Variants in STK3 observed in about 807,000 individuals in gnomAD.
The protein encoded by STK3 is serine/threonine-protein kinase 3.
STK3 carries 41 observed loss-of-function variants against 58.0 expected under a neutral mutation model. That is an observed-to-expected ratio of 0.71 (90% CI 0.55 to 0.92). The LOEUF is 0.92. Among genes scored for constraint, STK3 ranks in the 40% least tolerant of loss-of-function variants. The pLI, the probability that STK3 is intolerant of heterozygous loss-of-function variation, is 0.00. For missense variants in STK3, 479 were observed against 602.7 expected (o/e 0.79, Z 2.15); for synonymous variants, 170 against 191.0 (o/e 0.89, Z 0.91).
At chr8:98,706,126 A>T (rs1472608494) in intron 6 of STK3, among the ~76,000 whole-genome samples, 1 of 152,058 alleles carries the variant, frequency 6.6e-6, no homozygotes, top group Non-Finnish European at 1.5e-5. Flanking sequence ...ATTACTTCCA[A>T]CTCTTTCACT....
intron 10 of STK3, among the ~76,000 whole-genome samples, chr8:98,482,844 T>A (rs1015129512): frequency 1.3e-5 from 2 of 152,138 alleles, no homozygotes; most frequent in Non-Finnish European, 2.9e-5. Flanking sequence ...CAAATAGGTA[T>A]TTCTCGATTC....
At chr8:98,714,136 A>G (rs1826788502) in intron 4 of STK3, among the ~76,000 whole-genome samples, 1 of 152,232 alleles carries the variant, frequency 6.6e-6, no homozygotes, top group African/African-American at 2.4e-5. Flanking sequence ...ATCTCAAAAT[A>G]ATAGGAGCTA....
intron 10 of STK3, among the ~76,000 whole-genome samples, chr8:98,513,526 T>C (rs1383641526): frequency 1.3e-5 from 2 of 152,188 alleles, no homozygotes; most frequent in Admixed American, 6.6e-5. Context: ...GAAGTGTTCA[T>C]AGATGACCTG....
At chr8:98,774,983 T>A (rs1453335242) in intron 1 of STK3, among the ~76,000 whole-genome samples, 164 bp from the exon 2 acceptor site, 1 of 152,162 alleles carries the variant, frequency 6.6e-6, no homozygotes, top group Non-Finnish European at 1.5e-5. Flanking sequence ...TCAAGCCCTG[T>A]TCCTCATGTG....
intron 7 of STK3, among the ~76,000 whole-genome samples, chr8:98,584,101 T>C (rs2131752626): frequency 6.6e-6 from 1 of 152,238 alleles, no homozygotes; most frequent in African/African-American, 2.4e-5. Flanking sequence ...AAGTTTTTTT[T>C]TCTTTTATTA....
At chr8:98,650,793 G>C (rs1039768812) in intron 6 of STK3, among the ~76,000 whole-genome samples, 2 of 152,188 alleles carry the variant, frequency 1.3e-5, no homozygotes, top group African/African-American at 2.4e-5. Flanking sequence ...GGGGAGGGGC[G>C]CCTGCCATTG....
chr8:98,513,721 T>A (rs1824706919), intron 10 of STK3, among the ~76,000 whole-genome samples: 1 of 152,262 alleles, frequency 6.6e-6, no homozygotes, highest in Non-Finnish European at 1.5e-5. Flanking sequence ...ACATTTCCCC[T>A]ATCTACCCAC....
At chr8:98,668,966 A>ACAC (rs1200261259) in intron 6 of STK3, among the ~76,000 whole-genome samples, 4 of 150,378 alleles carry the variant, frequency 2.7e-5, no homozygotes, top group Non-Finnish European at 5.9e-5. Flanking sequence ...CTACTTGATT[A>ACAC]CACGTGCCAA....
chr8:98,874,906 G>A (rs532359692), intron 3 of STK3, among the ~76,000 whole-genome samples: 74 of 152,014 alleles, frequency 4.9e-4, no homozygotes, highest in African/African-American at 1.5e-3. Flanking sequence ...TTACAGGCAT[G>A]AGCCACCACA....
intron 2 of STK3, among the ~76,000 whole-genome samples, chr8:98,769,585 A>G (rs1001249887): frequency 1.3e-5 from 2 of 152,210 alleles, no homozygotes; most frequent in Non-Finnish European, 2.9e-5. Context: ...CAGTGTGAAA[A>G]CAGACTAATA....
At chr8:98,918,046 C>T (rs1839408034) in intron 1 of STK3, among the ~76,000 whole-genome samples, 1 of 152,204 alleles carries the variant, frequency 6.6e-6, no homozygotes, top group Non-Finnish European at 1.5e-5. Flanking sequence ...TGTATTATCT[C>T]ATTCAGTCTT....
At chr8:98,425,525 T>C (rs1818222469) in intron 3 of STK3, among the ~76,000 whole-genome samples, 1 of 152,184 alleles carries the variant, frequency 6.6e-6, no homozygotes. Context: ...CCCTCTCCCA[T>C]GTGGCTGCCT....
At chr8:98,402,728 A>G (rs1388374187) in intron 3 of STK3, among the ~76,000 whole-genome samples, 1 of 152,188 alleles carries the variant, frequency 6.6e-6, no homozygotes, top group Non-Finnish European at 1.5e-5. Flanking sequence ...CCTTGGGAAC[A>G]GTCTGTGCTT....
intron 8 of STK3, among the ~76,000 whole-genome samples, chr8:98,551,505 G>T (rs1472576417): frequency 6.6e-6 from 1 of 152,128 alleles, no homozygotes. Context: ...TGGAGCAAGG[G>T]AAAGCCATAA....
chr8:98,381,150 T>C (rs2131000969), intron 1 of STK3, among the ~76,000 whole-genome samples: 1 of 152,154 alleles, frequency 6.6e-6, no homozygotes. Flanking sequence ...TTTGTATTTT[T>C]AGTAGAGACG....
chr8:98,589,475 A>G (rs563631645), intron 7 of STK3, among the ~76,000 whole-genome samples: 5 of 152,216 alleles, frequency 3.3e-5, no homozygotes, highest in African/African-American at 7.2e-5. Flanking sequence ...CCAGCTGCAT[A>G]CTGGGAGAAC....
chr8:98,574,360 G>C (rs371938338), intron 8 of STK3, among the ~76,000 whole-genome samples: 45 of 152,138 alleles, frequency 3.0e-4, no homozygotes, highest in African/African-American at 1.0e-3. Context: ...TTATGAGACA[G>C]CTTGCAAGCA....
At chr8:98,612,468 TAG>T (rs1482451642) in intron 6 of STK3, among the ~76,000 whole-genome samples, 1 of 148,788 alleles carries the variant, frequency 6.7e-6, no homozygotes, top group Non-Finnish European at 1.5e-5. Context: ...CCCATATATA[TAG>T]AGAGATTCTA....
At chr8:98,463,022 T>G (rs1820130262) in intron 10 of STK3, 1 of 152,206 alleles carries the variant, frequency 6.6e-6, no homozygotes, top group Non-Finnish European at 1.5e-5. Context: ...TCATTCCAAT[T>G]TTAGTATATG....
Sources: gnomAD v4.1 joint callset for allele counts (sites outside exome capture counted in the v4.1 genomes callset) on GRCh38, gnomAD v4.1.1 for gene constraint, MANE v1.5 for transcripts, NCBI Gene and HGNC (gene_info 2026-07-23, HGNC 2026-07-21) for gene names.